Variants in DGKB observed in about 807,000 individuals in gnomAD.
DGKB encodes the protein 90 kDa diacylglycerol kinase.
DGKB carries 67 observed loss-of-function variants against 114.3 expected under a neutral mutation model. That is an observed-to-expected ratio of 0.59 (90% CI 0.48 to 0.72). DGKB has a LOEUF of 0.72. Among genes scored for constraint, DGKB ranks in the 30% least tolerant of loss-of-function variants. The probability of loss-of-function intolerance (pLI) is 0.00; values close to 1 mark genes in which losing one functional copy is unlikely to be tolerated. For synonymous variants in DGKB, 398 were observed against 323.1 expected, an observed-to-expected ratio of 1.23 and a Z score of -2.49; for missense variants, 907 against 975.2, an observed-to-expected ratio of 0.93 and a Z score of 0.93.
intron 23 of DGKB, among the ~76,000 whole-genome samples, chr7:14,277,210 G>T (rs1182116818): frequency 6.6e-6 from 1 of 151,386 alleles, no homozygotes; most frequent in Non-Finnish European, 1.5e-5. Context: ...TCACTCTGTT[G>T]CCTGGGCTAG....
At chr7:14,281,325 T>G (rs1186399630) in intron 23 of DGKB, among the ~76,000 whole-genome samples, 7 of 146,424 alleles carry the variant, frequency 4.8e-5, no homozygotes, top group African/African-American at 1.8e-4. Context: ...CCTAAATATA[T>G]ATGCACCCAA....
chr7:14,347,434 C>G (rs1406733598), intron 21 of DGKB, among the ~76,000 whole-genome samples: 2 of 152,112 alleles, frequency 1.3e-5, no homozygotes, highest in East Asian at 3.9e-4. Flanking sequence ...AGCAATCTCT[C>G]TTCTGTATAT....
intron 20 of DGKB, among the ~76,000 whole-genome samples, chr7:14,506,670 T>C (rs547509166): frequency 6.6e-6 from 1 of 152,266 alleles, no homozygotes; most frequent in South Asian, 2.1e-4. Flanking sequence ...GAGGGCAGCA[T>C]ACCTGGAATC....
intron 23 of DGKB, among the ~76,000 whole-genome samples, chr7:14,188,811 G>A (rs1313439185): frequency 6.6e-6 from 1 of 151,868 alleles, no homozygotes; most frequent in Non-Finnish European, 1.5e-5. Flanking sequence ...TCTTATAAGG[G>A]AATCTGCATC....
At chr7:14,187,231 G>C (rs574024451) in intron 23 of DGKB, among the ~76,000 whole-genome samples, 1 of 152,282 alleles carries the variant, frequency 6.6e-6, no homozygotes, top group South Asian at 2.1e-4. Flanking sequence ...AGCTCAGTAA[G>C]AAAGCTAAGA....
rs995399048 is a variant in DGKB at position 14,145,647 on chromosome 7, C to A, written c.*3484G>T. 1 of 151,936 alleles carries A rather than the reference C, an allele frequency of 6.6e-6. No homozygotes were observed. The highest frequency in any genetic ancestry group is 1.5e-5 in the Non-Finnish European group (1 of 68,002). 9.4% of individuals were successfully genotyped at this position (151,936 alleles called of 1,614,324 possible). ...CTAATTTTTGTATTTTTAGTAGAGA[C>A]GAGGTTTCACCATATTGGCCAGGCT... On this transcript the variant is annotated 3_prime_UTR_variant, in exon 26 of 26. Transcript: ENST00000402815.
intron 23 of DGKB, among the ~76,000 whole-genome samples, chr7:14,269,833 A>C (rs1584841972): frequency 6.6e-6 from 1 of 152,314 alleles, no homozygotes; most frequent in African/African-American, 2.4e-5. Flanking sequence ...AATAAATCTT[A>C]AAATCAACTA....
intron 23 of DGKB, among the ~76,000 whole-genome samples, chr7:14,301,055 T>C (rs1026724522): frequency 6.6e-6 from 1 of 152,130 alleles, no homozygotes; most frequent in Admixed American, 6.6e-5. Context: ...AATATATTTG[T>C]ATATATTTGA....
chr7:14,285,009 A>ATG (rs1800638490), intron 23 of DGKB, among the ~76,000 whole-genome samples: 2 of 151,720 alleles, frequency 1.3e-5, no homozygotes, highest in Admixed American at 6.6e-5. Flanking sequence ...CTTAAAGTAT[A>ATG]ATAATAAAAA....
At chr7:14,268,402 A>G (rs1797825372) in intron 23 of DGKB, among the ~76,000 whole-genome samples, 2 of 152,182 alleles carry the variant, frequency 1.3e-5, no homozygotes, top group Non-Finnish European at 2.9e-5. Context: ...AAAACAACAT[A>G]CGTATTTTAG....
At chr7:14,538,263 T>C (rs1035846651) in intron 20 of DGKB, among the ~76,000 whole-genome samples, 1 of 151,758 alleles carries the variant, frequency 6.6e-6, no homozygotes, top group African/African-American at 2.4e-5. Flanking sequence ...TACACCTCAA[T>C]AGCAAAACAA....
chr7:14,887,994 G>T (rs1270865370), intron 1 of DGKB, among the ~76,000 whole-genome samples: 1 of 151,648 alleles, frequency 6.6e-6, no homozygotes, highest in Non-Finnish European at 1.5e-5. Flanking sequence ...CCTGTTGAAT[G>T]GGAGTTATTA....
chr7:14,583,309 A>G (rs1800235492), intron 17 of DGKB, among the ~76,000 whole-genome samples, 172 bp from the exon 18 acceptor site: 1 of 152,078 alleles, frequency 6.6e-6, no homozygotes, highest in African/African-American at 2.4e-5. Context: ...TTATATATTC[A>G]AGATTCTATA....
At chr7:14,897,590 A>T (rs1282441954) in intron 1 of DGKB, among the ~76,000 whole-genome samples, 4 of 151,980 alleles carry the variant, frequency 2.6e-5, no homozygotes, top group African/African-American at 9.7e-5. Context: ...ATCTATGTTA[A>T]TAACCTGAAA....
Position 14,769,858 on chromosome 7 carries a change from C to G in DGKB, c.71-12127G>C, listed in dbSNP as rs553633794. Among the ~76,000 whole-genome samples the G allele has an allele frequency of 5.3e-4, 80 of 152,180 alleles. 2 individuals are homozygous for G. In the South Asian group the frequency reaches 0.016, roughly 31 times the overall value. ...CATGATCTTCTCCCTTTCTGTCTTT[C>G]ACATTAGGCTTAGAGCCTATCAGAA... On this transcript the variant is annotated intron_variant, in intron 2 of 25. Transcript: ENST00000402815.
At chr7:14,673,604 A>G (rs1002713076) in intron 12 of DGKB, among the ~76,000 whole-genome samples, 1 of 152,102 alleles carries the variant, frequency 6.6e-6, no homozygotes, top group African/African-American at 2.4e-5. Context: ...TATTGTATTT[A>G]TCAGCTCAAC....
chr7:14,571,927 T>A (rs1259751189), intron 20 of DGKB, among the ~76,000 whole-genome samples: 1 of 152,094 alleles, frequency 6.6e-6, no homozygotes, highest in East Asian at 1.9e-4. Flanking sequence ...GGAACAATGA[T>A]AACCACTGTG....
intron 10 of DGKB, among the ~76,000 whole-genome samples, chr7:14,683,981 C>T (rs1411573026): frequency 3.3e-5 from 5 of 152,070 alleles, no homozygotes; most frequent in African/African-American, 1.2e-4. Context: ...TGTTAACAGA[C>T]TGTACCATAA....
chr7:14,919,136 G>C (rs1424009112), intron 1 of DGKB, among the ~76,000 whole-genome samples: 1 of 130,114 alleles, frequency 7.7e-6, no homozygotes, highest in Non-Finnish European at 1.6e-5. Flanking sequence ...AGTTTATATG[G>C]AAAGACAAAA....
Sources: gnomAD v4.1 joint callset for allele counts (sites outside exome capture counted in the v4.1 genomes callset) on GRCh38, gnomAD v4.1.1 for gene constraint, MANE v1.5 for transcripts, NCBI Gene and HGNC (gene_info 2026-07-23, HGNC 2026-07-21) for gene names.